Variants in KNL1 observed in about 807,000 individuals in gnomAD.
The protein encoded by KNL1 is kinetochore scaffold 1.
A neutral mutation model predicts 201.3 loss-of-function variants in KNL1; 66 were observed. The ratio of observed to expected loss-of-function variants is 0.33; its 90% CI spans 0.27 to 0.40. The LOEUF is 0.40. KNL1 is among the 10% of genes least tolerant of loss of function. The pLI, the probability that KNL1 is intolerant of heterozygous loss-of-function variation, is 1.00. For synonymous variants in KNL1, 895 were observed against 899.2 expected (o/e 1.00, Z 0.08); for missense variants, 2,815 against 2,690.5 (o/e 1.05, Z -1.02).
intron 4 of KNL1, 85 bp from the exon 5 acceptor site, chr15:40,608,759 AAAG>A: frequency 1.1e-6 from 1 of 917,338 alleles, no homozygotes; most frequent in Non-Finnish European, 1.6e-6. Flanking sequence ...AAAAAAAAAA[AAAG>A]GACTTGATCT....
intron 13 of KNL1, among the ~76,000 whole-genome samples, chr15:40,640,188 CT>C (rs1244658979): frequency 6.6e-6 from 1 of 150,858 alleles, no homozygotes; most frequent in African/African-American, 2.5e-5. Context: ...CCTACACCTC[CT>C]GGGCTCAAGT....
chr15:40,605,124 G>T lies in KNL1; in HGVS notation c.50G>T (p.Arg17Ile). 6.8e-7 allele frequency: 1 copy of T among 1,481,292 alleles called. No individual in the cohort carries two copies. Among genetic ancestry groups the T allele is most frequent in the Non-Finnish European group, 9.4e-7 (1 of 1,060,808 alleles). The allele number at this position is 1,481,292 out of a possible 1,614,324, so 91.8% of individuals were successfully genotyped here. The change falls in exon 3 of 26, where the codon AGA becomes ATA. Residue 17 changes from arginine to isoleucine, a missense_variant. By Grantham distance (97) the Arg-to-Ile change is moderately conservative. Coordinates refer to ENST00000399668, the MANE Select transcript of KNL1 (RefSeq NM_144508.5). The stretch of plus-strand genomic sequence containing the variant: ...TCCTTTTTCAGTGACAATATAGAGA[G>T]ACCTGTTAGAAGACGGCATTCTTCA... ...EANEENDNIERPVRRRHSSIL... is the reference protein window; with the variant it reads ...EANEENDNIEIPVRRRHSSIL...
At position 40,618,857 on chromosome 15, in the gene KNL1, T is replaced by G. The variant is rs1385172902; in HGVS notation, c.323-102T>G. ...AAGTTCTTAAGGGCTTAGTTACTGG[T>G]AAATTCTAGTAAATACTTGTAACTG... On this transcript the variant is annotated intron_variant, in intron 8 of 25. Coordinates refer to ENST00000399668, the MANE Select transcript of KNL1 (RefSeq NM_144508.5). 5.7e-6 allele frequency: 4 copies of G among 702,400 alleles called. No individual in the cohort carries two copies. The African/African-American group carries it at 7.1e-5, about 12-fold the overall frequency. 43.5% of individuals were successfully genotyped at this position (702,400 alleles called of 1,614,324 possible).
Position 40,622,518 on chromosome 15 carries a change from A to T in KNL1, c.2254A>T (p.Met752Leu), listed in dbSNP as rs371428058. ...CACACCTGACTATTGCCATGACAAGATGATTATATGTTCAGAGGAAGAGCA... is the reference window on the plus strand; with the variant it reads ...CACACCTGACTATTGCCATGACAAGTTGATTATATGTTCAGAGGAAGAGCA... Reference protein sequence around the residue: ...NPTPDYCHDKMIICSEEEQNM... With the variant: ...NPTPDYCHDKLIICSEEEQNM... Residue 752 changes from methionine to leucine, a missense_variant, in exon 10 of 26, where the codon ATG becomes TTG. Met to Leu is a conservative substitution (Grantham distance 15). Around this residue, in one of 3 missense-constraint regions of KNL1, gnomAD observed 2,464 missense variants for 2,291.7 expected, o/e 1.08. Coordinates refer to ENST00000399668, the MANE Select transcript of KNL1 (RefSeq NM_144508.5). 1.7e-5 allele frequency: 27 copies of T among 1,614,048 alleles called. No homozygotes were observed. The African/African-American group carries it at 3.3e-4, about 20-fold the overall frequency.
rs1595929860 is a variant in KNL1, at chr15:40,626,831, C to T, written c.5376+1191C>T. Among the ~76,000 whole-genome samples the T allele has an allele frequency of 4.0e-5, 6 of 151,232 alleles. 1 individual carries two copies. In the South Asian group the frequency reaches 1.0e-3, roughly 26 times the overall value. ...CTGGCCTCAAGTGACCCACCCACCT[C>T]GACCTCCCAGAGTGCTGGGATTACA... On this transcript the variant is annotated intron_variant, in intron 10 of 25. Transcript: ENST00000399668.
At position 40,615,348 on chromosome 15, in the gene KNL1, A is replaced by G; in HGVS notation, c.292A>G (p.Lys98Glu). The G allele has an allele frequency of 2.9e-6, 2 of 700,828 alleles. No individual in the cohort carries two copies. The highest frequency in any genetic ancestry group is 4.7e-6 in the Non-Finnish European group (2 of 427,158). 43.4% of individuals were successfully genotyped at this position (700,828 alleles called of 1,614,324 possible). ...GENLLLIQNKKLEDNYCEITG... is the reference protein window; with the variant it reads ...GENLLLIQNKELEDNYCEITG... Reference sequence around the variant, plus strand: ...ATACTTTTTAATTTTTAGGAATAAGAAATTAGAAGATAATTACTGTGAAAT... The same window carrying G: ...ATACTTTTTAATTTTTAGGAATAAGGAATTAGAAGATAATTACTGTGAAAT... The change falls in exon 8 of 26, where the codon AAA (lysine) becomes GAA (glutamate). Residue 98 changes from lysine to glutamate, a missense_variant. Physicochemically the swap from Lys to Glu is moderately conservative, Grantham distance 56. This residue lies in a region of KNL1 where 2,464 missense variants were observed against 2,291.7 expected (regional missense o/e 1.08). Coordinates refer to ENST00000399668, the MANE Select transcript of KNL1 (RefSeq NM_144508.5).
chr15:40,652,156 C>T, intron 21 of KNL1, 51 bp downstream of exon 21: 1 of 1,179,084 alleles, frequency 8.5e-7, no homozygotes, highest in Non-Finnish European at 1.3e-6. Context: ...AATGGCTACA[C>T]TCACTAAAGA....
Position 40,654,932 on chromosome 15 carries a change from C to T in KNL1, c.6439C>T (p.Arg2147Cys), listed in dbSNP as rs769307594. The T allele has an allele frequency of 1.3e-5, 21 of 1,612,364 alleles. No individual in the cohort carries two copies. The East Asian group carries it at 3.3e-4, about 26-fold the overall frequency. ...SVVGFPFLDK[R>C]YRKIVDVNFQ... ...AGTTGGTTTCCCTTTCCTGGACAAG[C>T]GTTATAGGAAGATTGTTGATGTCAA... The change falls in exon 22 of 26, where the codon CGT (arginine) becomes TGT (cysteine). Residue 2147 changes from arginine (R) to cysteine (C), a missense_variant. Arg to Cys is a radical substitution (Grantham distance 180). Coordinates refer to ENST00000399668, the MANE Select transcript of KNL1 (RefSeq NM_144508.5).
rs1025012941 is a variant in KNL1, at chr15:40,637,435, C to T, written c.5683-3477C>T. 4.7e-5 allele frequency among the ~76,000 whole-genome samples: 7 copies of T among 150,088 alleles called. No individual in the cohort carries two copies. The East Asian group carries it at 7.8e-4, about 17-fold the overall frequency. On this transcript the variant is annotated intron_variant, in intron 13 of 25. Transcript: ENST00000399668. Reference sequence around the variant, plus strand: ...GGAAATAGATAATGTCTGGTGATGACGTGTATGCAGCCATTAATTCATTAG... The same window carrying T: ...GGAAATAGATAATGTCTGGTGATGATGTGTATGCAGCCATTAATTCATTAG...
In KNL1 at chr15:40,657,032, C is replaced by A; in HGVS notation, c.6485-10C>A. On this transcript the variant is annotated splice_polypyrimidine_tract_variant and intron_variant, in intron 22 of 25. Transcript: ENST00000399668. ...ATAACCTGCTTTTGCTTTTTTTTTT[C>A]CTTCCCCAGAGGATCAAGCTCCTCC... 1.5e-6 allele frequency: 2 copies of A among 1,366,664 alleles called. No homozygotes were observed. Among genetic ancestry groups the A allele is most frequent in the Non-Finnish European group, 2.0e-6 (2 of 1,009,104 alleles). The allele number at this position is 1,366,664 out of a possible 1,614,324, so 84.7% of individuals were successfully genotyped here. A position where few individuals can be genotyped will look rare whatever the true frequency, so the allele number is the denominator to read the frequency against.
intron 23 of KNL1, 78 bp downstream of exon 23, chr15:40,657,229 T>A (rs1893762108): frequency 3.8e-6 from 4 of 1,061,396 alleles, no homozygotes; most frequent in South Asian, 1.4e-5. Flanking sequence ...TTTACATAAA[T>A]AATAGTGGAT....
intron 21 of KNL1, 35 bp from the exon 22 acceptor site, chr15:40,654,874 A>G (rs751466956): frequency 6.4e-7 from 1 of 1,559,818 alleles, no homozygotes; most frequent in Non-Finnish European, 8.8e-7. Context: ...CTGTCTAAAA[A>G]AATTTTTAAA....
chr15:40,657,374 T>G lies in KNL1; in HGVS notation c.6614T>G (p.Leu2205Arg). ...TTCTAGATGCTTGAAGAATTCTCAC[T>G]GGTAGTGCACCATTGCAGACTCCTT... is the stretch of plus-strand genomic sequence containing the variant. Reference protein sequence around the residue: ...QLPKMLEEFSLVVHHCRLLGE... With the variant: ...QLPKMLEEFSRVVHHCRLLGE... The change falls in exon 24 of 26, where the codon CTG (leucine) becomes CGG (arginine). Residue 2205 changes from leucine to arginine, a missense_variant. By Grantham distance (102) the Leu-to-Arg change is moderately radical. Coordinates refer to ENST00000399668, the MANE Select transcript of KNL1 (RefSeq NM_144508.5). The G allele has an allele frequency of 6.2e-7, 1 of 1,604,082 alleles. No homozygotes were observed. The highest frequency in any genetic ancestry group is 1.3e-5 in the African/African-American group (1 of 74,870).
intron 18 of KNL1, 52 bp downstream of exon 18, chr15:40,650,430 C>G (rs767453169): frequency 6.4e-7 from 1 of 1,570,408 alleles, no homozygotes. Context: ...CCCTTCTGTT[C>G]TGAGTTTGTT....
At chr15:40,655,359 C>T (rs140929553) in intron 22 of KNL1, among the ~76,000 whole-genome samples, 115 of 151,642 alleles carry the variant, frequency 7.6e-4, no homozygotes, top group African/African-American at 2.7e-3. Flanking sequence ...TTTGGGAGGC[C>T]GAGGAAGGCA....
At chr15:40,630,515 G>A (rs893060366) in intron 13 of KNL1, among the ~76,000 whole-genome samples, 5 of 152,198 alleles carry the variant, frequency 3.3e-5, no homozygotes, top group African/African-American at 1.2e-4. Context: ...TGGTGGTGGA[G>A]TGAGCAAAGC....
chr15:40,598,660 T>A (rs918849649), intron 1 of KNL1, among the ~76,000 whole-genome samples: 3 of 152,210 alleles, frequency 2.0e-5, no homozygotes, highest in African/African-American at 7.2e-5. Flanking sequence ...GATGTTGGAT[T>A]GAATAGAAGT....
chr15:40,646,755 G>T (rs1288283243), intron 16 of KNL1: 3 of 268,418 alleles, frequency 1.1e-5, no homozygotes, highest in African/African-American at 2.3e-5. Context: ...TAATCAGGAG[G>T]CTGAGGCAGG....
chr15:40,656,546 G>A (rs890438380), intron 22 of KNL1, among the ~76,000 whole-genome samples: 3 of 152,162 alleles, frequency 2.0e-5, no homozygotes, highest in Non-Finnish European at 4.4e-5. Context: ...TTGTAGAAAT[G>A]TCCTATCTTC....
Sources: gnomAD v4.1 joint callset for allele counts (sites outside exome capture counted in the v4.1 genomes callset) on GRCh38, gnomAD v4.1.1 for gene constraint, gnomAD v4.1.1 regional missense constraint, MANE v1.5 for transcripts, NCBI Gene and HGNC (gene_info 2026-07-23, HGNC 2026-07-21) for gene names.